The following KATNIP variants were observed in gnomAD, a reference collection of about 807,000 sequenced individuals.
KATNIP encodes katanin-interacting protein.
In KATNIP, 126 loss-of-function variants were observed where a neutral mutation model predicts 174.0. The observed-to-expected ratio is 0.72, with a 90% confidence interval of 0.63 to 0.84. KATNIP has a LOEUF of 0.84. Among genes scored for constraint, KATNIP ranks in the 40% least tolerant of loss-of-function variants. The pLI, the probability that KATNIP is intolerant of heterozygous loss-of-function variation, is 0.00. For synonymous variants in KATNIP, 810 were observed against 835.7 expected (o/e 0.97, Z 0.53); for missense variants, 1,958 against 2,109.7 (o/e 0.93, Z 1.41).
At chr16:27,727,175 G>A in intron 14 of KATNIP, 1 of 191,986 alleles carries the variant, frequency 5.2e-6, no homozygotes, top group South Asian at 7.6e-5. Context: ...GTGATCTGAT[G>A]GAGGATGTTT....
chr16:27,638,331 A>C (rs1447986471), intron 5 of KATNIP, among the ~76,000 whole-genome samples: 1 of 152,164 alleles, frequency 6.6e-6, no homozygotes, highest in East Asian at 1.9e-4. Flanking sequence ...CAGCTATACC[A>C]TTATTACCGT....
At chr16:27,746,491 G>A (rs928637422) in intron 15 of KATNIP, among the ~76,000 whole-genome samples, 2 of 152,216 alleles carry the variant, frequency 1.3e-5, no homozygotes, top group African/African-American at 2.4e-5. Context: ...ACAGGTGGAG[G>A]GGGGAGTCCC....
At chr16:27,775,498 G>A (rs902980653) in intron 24 of KATNIP, among the ~76,000 whole-genome samples, 6 of 152,186 alleles carry the variant, frequency 3.9e-5, no homozygotes, top group African/African-American at 1.4e-4. Flanking sequence ...TCACCAGGTA[G>A]ATGACCCCAG....
intron 1 of KATNIP, among the ~76,000 whole-genome samples, chr16:27,570,058 T>G (rs187470613): frequency 7.9e-5 from 12 of 152,112 alleles, no homozygotes; most frequent in African/African-American, 2.9e-4. Context: ...TACTTTCACA[T>G]TTTAGTAGTT....
intron 3 of KATNIP, among the ~76,000 whole-genome samples, chr16:27,627,195 C>A (rs1224256197): frequency 6.6e-6 from 1 of 152,178 alleles, no homozygotes; most frequent in Non-Finnish European, 1.5e-5. Context: ...TGATATAGAA[C>A]AAGGCAATTC....
At position 27,574,026 on chromosome 16, in the gene KATNIP, C is replaced by T. The variant is rs368141209; in HGVS notation, c.63+70C>T. 150 of 1,354,778 alleles carry T rather than the reference C, an allele frequency of 1.1e-4. No individual in the cohort carries two copies. Among genetic ancestry groups the T allele is most frequent in the Middle Eastern group, 5.3e-4 (3 of 5,618 alleles). The allele number at this position is 1,354,778 out of a possible 1,614,324, so 83.9% of individuals were successfully genotyped here. A position where few individuals can be genotyped will look rare whatever the true frequency, so the allele number is the denominator to read the frequency against. The stretch of plus-strand genomic sequence containing the variant: ...GAAAGGACCTGAGGGAGCAGGGTGG[C>T]GAATAAGTGTCCCTAAATATACTCT... On this transcript the variant is annotated intron_variant, in intron 2 of 27. Coordinates refer to ENST00000261588, the MANE Select transcript of KATNIP (RefSeq NM_015202.5).
chr16:27,597,903 G>A (rs897999358), intron 2 of KATNIP, among the ~76,000 whole-genome samples: 11 of 152,144 alleles, frequency 7.2e-5, no homozygotes, highest in African/African-American at 2.7e-4. Flanking sequence ...AAGAAATCAT[G>A]GACTTTGTGA....
intron 8 of KATNIP, among the ~76,000 whole-genome samples, chr16:27,683,837 G>A (rs776262314): frequency 1.5e-4 from 23 of 152,096 alleles, no homozygotes; most frequent in Non-Finnish European, 2.8e-4. Context: ...TGCTGTTCAG[G>A]TTGACAAGCC....
chr16:27,688,666 G>A (rs2078608606), intron 8 of KATNIP, among the ~76,000 whole-genome samples: 1 of 152,204 alleles, frequency 6.6e-6, no homozygotes, highest in Non-Finnish European at 1.5e-5. Flanking sequence ...TGAGGTAGAG[G>A]TAAGTGTTTT....
Position 27,751,801 on chromosome 16 carries a change from T to C in KATNIP, c.3429T>C (p.Phe1143=). 1 of 1,614,250 alleles carries C rather than the reference T, an allele frequency of 6.2e-7. No individual in the cohort carries two copies. Among genetic ancestry groups the C allele is most frequent in the Non-Finnish European group, 8.5e-7 (1 of 1,180,048 alleles). ...CCATATTCTATTCTGATGAGATGTT[T>C]GACCTGGATGTGGGGAGCCTGGACA... ...LEAIFYSDEM[F]DLDVGSLDSL... is the part of the protein sequence containing the mutation. Residue 1143 remains phenylalanine, a synonymous_variant, in exon 17 of 28, where the codon TTT becomes TTC. Transcript: ENST00000261588.
chr16:27,764,454 A>T (rs989412317), intron 19 of KATNIP, among the ~76,000 whole-genome samples: 14 of 152,214 alleles, frequency 9.2e-5, no homozygotes, highest in Admixed American at 6.5e-5. Flanking sequence ...TTGCCTTCTG[A>T]TGTGACAGAT....
At chr16:27,578,646 C>T (rs976649259) in intron 2 of KATNIP, among the ~76,000 whole-genome samples, 1 of 152,152 alleles carries the variant, frequency 6.6e-6, no homozygotes, top group African/African-American at 2.4e-5. Flanking sequence ...GACACAATCT[C>T]AGTTCACTGC....
At chr16:27,625,162 A>T (rs922952090) in intron 3 of KATNIP, among the ~76,000 whole-genome samples, 15 of 152,212 alleles carry the variant, frequency 9.9e-5, no homozygotes, top group Admixed American at 6.5e-4. Flanking sequence ...GATATTACTG[A>T]TGCACTCCAT....
At chr16:27,565,908 TA>T (rs1342323417) in intron 1 of KATNIP, among the ~76,000 whole-genome samples, 1 of 152,154 alleles carries the variant, frequency 6.6e-6, no homozygotes, top group Non-Finnish European at 1.5e-5. Context: ...TACAGAGCCT[TA>T]AAATTTTTTA....
chr16:27,658,424 A>C (rs2077366395), intron 6 of KATNIP, among the ~76,000 whole-genome samples: 1 of 152,194 alleles, frequency 6.6e-6, no homozygotes, highest in Non-Finnish European at 1.5e-5. Flanking sequence ...CACACTTCCA[A>C]TGGAAGGAGC....
intron 16 of KATNIP, among the ~76,000 whole-genome samples, chr16:27,751,355 G>T (rs1257593683): frequency 6.6e-6 from 1 of 152,158 alleles, no homozygotes; most frequent in Non-Finnish European, 1.5e-5. Context: ...GGCTTGCCGG[G>T]TTGGAGCTGT....
chr16:27,713,336 C>T (rs1406791178), intron 13 of KATNIP, among the ~76,000 whole-genome samples: 4 of 151,942 alleles, frequency 2.6e-5, no homozygotes, highest in Admixed American at 2.6e-4. Context: ...TGCACACTTA[C>T]ATGTATTGGG....
chr16:27,750,143 C>T lies in KATNIP; in HGVS notation c.3183C>T (p.Thr1061=). 6.2e-7 allele frequency: 1 copy of T among 1,614,188 alleles called. No homozygotes were observed. The change falls in exon 16 of 28, where the codon ACC becomes ACT. Residue 1061 remains threonine (T), a synonymous_variant. Transcript: ENST00000261588. Reference sequence around the variant, plus strand: ...CGCGGGGCAGATCCCACTCCATCACCATTGACTTCACGCACCCTTGCCACG... The same window carrying T: ...CGCGGGGCAGATCCCACTCCATCACTATTGACTTCACGCACCCTTGCCACG... The part of the protein sequence containing the change: ...PFTRGRSHSI[T]IDFTHPCHVA...
chr16:27,678,030 T>C (rs1165917312), intron 7 of KATNIP, 34 bp downstream of exon 7: 1 of 1,601,986 alleles, frequency 6.2e-7, no homozygotes. Flanking sequence ...TTCTTTGCCA[T>C]TGGTGTCTCT....
Sources: allele counts gnomAD v4.1 joint callset (sites outside exome capture counted in the v4.1 genomes callset), GRCh38; gene constraint gnomAD v4.1.1; transcripts MANE v1.5; gene names NCBI Gene and HGNC (gene_info 2026-07-23, HGNC 2026-07-21).